NOS1: variants seen among roughly 807,000 people sequenced by gnomAD.
NOS1 encodes the protein nitric oxide synthase 1.
In NOS1, 51 loss-of-function variants were observed where a neutral mutation model predicts 164.5. The observed-to-expected ratio is 0.31, with a 90% CI of 0.25 to 0.39. The LOEUF (loss-of-function observed/expected upper bound fraction) is 0.39. Among genes scored for constraint, NOS1 ranks in the 10% least tolerant of loss-of-function variants. The probability of loss-of-function intolerance (pLI) is 1.00; values close to 1 mark genes in which losing one functional copy is unlikely to be tolerated. For synonymous variants in NOS1, 719 were observed against 745.8 expected, an observed-to-expected ratio of 0.96 and a Z score of 0.59; for missense variants, 1,362 against 1,885.6, an observed-to-expected ratio of 0.72 and a Z score of 5.14.
chr12:117,271,432 C>T (rs1019901286), intron 10 of NOS1, among the ~76,000 whole-genome samples: 2 of 152,200 alleles, frequency 1.3e-5, no homozygotes, highest in African/African-American at 4.8e-5. Context: ...CGCAAGCCAT[C>T]ATGCCTGGCT....
Position 117,211,218 on chromosome 12 carries a change from A to T in NOS1, c.*4091T>A. 1.0e-6 allele frequency: 1 copy of T among 983,150 alleles called. No homozygotes were observed. The highest frequency in any genetic ancestry group is 1.2e-6 in the Non-Finnish European group (1 of 827,870). 60.9% of individuals were successfully genotyped at this position (983,150 alleles called of 1,614,324 possible). A position where few individuals can be genotyped will look rare whatever the true frequency, so the allele number is the denominator to read the frequency against. On this transcript the variant is annotated 3_prime_UTR_variant, in exon 29 of 29. Transcript: ENST00000317775. Reference sequence around the variant, plus strand: ...ACTGATACACCCACCTCGGCCTCCCAAAGTGCTGGGATTACAGACATGAGC... The same window carrying T: ...ACTGATACACCCACCTCGGCCTCCCTAAGTGCTGGGATTACAGACATGAGC...
At chr12:117,264,025 G>C (rs1345055273) in intron 12 of NOS1, 51 bp from the exon 13 acceptor site, 1 of 1,484,022 alleles carries the variant, frequency 6.7e-7, no homozygotes, top group South Asian at 1.1e-5. Flanking sequence ...GAGGGCATCT[G>C]GTTCCTGTTG....
At chr12:117,230,203 T>C (rs2135938075) in intron 22 of NOS1, among the ~76,000 whole-genome samples, 1 of 152,362 alleles carries the variant, frequency 6.6e-6, no homozygotes, top group South Asian at 2.1e-4. Flanking sequence ...CATGAGCCAC[T>C]GTGCCCAAAT....
chr12:117,227,809 T>C (rs1258089277), intron 22 of NOS1, among the ~76,000 whole-genome samples, 168 bp from the exon 23 acceptor site: 1 of 152,124 alleles, frequency 6.6e-6, no homozygotes, highest in Non-Finnish European at 1.5e-5. Flanking sequence ...AGAGGATCAC[T>C]TGAGGCTAGG....
At position 117,209,046 on chromosome 12, in the gene NOS1, C is replaced by G. The variant is rs552996395; in HGVS notation, c.*6263G>C. On this transcript the variant is annotated 3_prime_UTR_variant, in exon 29 of 29. Coordinates refer to ENST00000317775, the MANE Select transcript of NOS1 (RefSeq NM_000620.5). ...CCTGGGAGGGGTTTTTGAAAGCATA[C>G]TGCCCTCCCCATGCCCCCTCCCCCG... 1.5e-5 allele frequency: 15 copies of G among 985,216 alleles called. No individual in the cohort carries two copies. Among genetic ancestry groups the G allele is most frequent in the Non-Finnish European group, 1.8e-5 (15 of 829,906 alleles). The allele number at this position is 985,216 out of a possible 1,614,324, so 61.0% of individuals were successfully genotyped here.
intron 4 of NOS1, 133 bp from the exon 5 acceptor site, chr12:117,288,352 C>T (rs1872843405): frequency 2.6e-6 from 2 of 754,888 alleles, no homozygotes; most frequent in East Asian, 5.0e-5. Context: ...TTCTCAAGTA[C>T]CAGCTTCAAA....
Position 117,330,746 on chromosome 12 carries a change from C to T in NOS1, c.324G>A (p.Glu108=), listed in dbSNP as rs1427348864. The part of the protein sequence containing the change: ...RGPEGFTTHL[E]TTFTGDGTPK... Reference sequence around the variant, plus strand: ...GGGTCCCATCACCTGTAAAGGTGGTCTCCAGGTGCGTGGTGAAACCTTCAG... The same window carrying T: ...GGGTCCCATCACCTGTAAAGGTGGTTTCCAGGTGCGTGGTGAAACCTTCAG... The change falls in exon 2 of 29, where the codon GAG becomes GAA. Residue 108 remains glutamate (E), a synonymous_variant. Transcript: ENST00000317775. This position sits in a 1 kb window ranked among gnomAD's most constrained non-coding sequence, Gnocchi z 4.6. 1.1e-5 allele frequency: 17 copies of T among 1,613,954 alleles called. No individual in the cohort carries two copies. The highest frequency in any genetic ancestry group is 8.0e-5 in the African/African-American group (6 of 74,920).
intron 14 of NOS1, among the ~76,000 whole-genome samples, chr12:117,260,118 C>CAAAAAA (rs60261967): frequency 8.6e-6 from 1 of 115,802 alleles, no homozygotes; most frequent in Non-Finnish European, 1.9e-5. Flanking sequence ...AACTCCTTCT[C>CAAAAAA]AAAAAAAAAA....
At chr12:117,285,781 G>A (rs934194132) in intron 6 of NOS1, among the ~76,000 whole-genome samples, 2 of 152,168 alleles carry the variant, frequency 1.3e-5, no homozygotes, top group African/African-American at 2.4e-5. Context: ...TGCCTTCAGG[G>A]AGTAGGCAGA....
rs1877157068 is a variant in NOS1 at position 117,361,516 on chromosome 12, T to G, written c.-425A>C. ...CCGCGCGCGCCCCTGGCTCACCCCGTCCGCTCGGCCGCTGCTCGCTGCCCG... is the reference window on the plus strand; with the variant it reads ...CCGCGCGCGCCCCTGGCTCACCCCGGCCGCTCGGCCGCTGCTCGCTGCCCG... On this transcript the variant is annotated 5_prime_UTR_variant, in exon 1 of 29. Transcript: ENST00000317775. 1 of 151,664 alleles carries G rather than the reference T, an allele frequency of 6.6e-6. No individual in the cohort carries two copies. Among genetic ancestry groups the G allele is most frequent in the African/African-American group, 2.4e-5 (1 of 41,278 alleles). 9.4% of individuals were successfully genotyped at this position (151,664 alleles called of 1,614,324 possible).
chr12:117,277,925 T>G (rs1873320425), intron 9 of NOS1, 34 bp downstream of exon 9: 2 of 1,589,510 alleles, frequency 1.3e-6, no homozygotes, highest in African/African-American at 1.3e-5. Flanking sequence ...GCAAACCCAC[T>G]CACCCTCTCC....
intron 21 of NOS1, among the ~76,000 whole-genome samples, chr12:117,233,515 G>A (rs1210921779): frequency 6.6e-6 from 1 of 151,710 alleles, no homozygotes; most frequent in East Asian, 2.0e-4. Flanking sequence ...ATTAAGAGAG[G>A]GTATGTCTCA....
chr12:117,232,800 T>A (rs1012406022), intron 21 of NOS1, among the ~76,000 whole-genome samples: 1 of 152,140 alleles, frequency 6.6e-6, no homozygotes, highest in African/African-American at 2.4e-5. Context: ...AGGGGTTCAA[T>A]CCCAAATAAA....
chr12:117,313,119 T>C (rs752221773), intron 2 of NOS1, among the ~76,000 whole-genome samples: 3 of 152,098 alleles, frequency 2.0e-5, no homozygotes, highest in Non-Finnish European at 2.9e-5. Flanking sequence ...AGCATCACCA[T>C]TGTCACCATC....
In NOS1 at chr12:117,209,412, C is replaced by A; in HGVS notation, c.*5897G>T. Reference sequence around the variant, plus strand: ...ATAGTGCTAAGGTTGACAGACCCTGCGCTACAGTCTCCTAGAACTTAGGAG... The same window carrying A: ...ATAGTGCTAAGGTTGACAGACCCTGAGCTACAGTCTCCTAGAACTTAGGAG... On this transcript the variant is annotated 3_prime_UTR_variant, in exon 29 of 29. Transcript: ENST00000317775. The A allele has an allele frequency of 1.0e-6, 1 of 985,426 alleles. No homozygotes were observed. The highest frequency in any genetic ancestry group is 1.2e-6 in the Non-Finnish European group (1 of 829,932). The allele number at this position is 985,426 out of a possible 1,614,324, so 61.0% of individuals were successfully genotyped here. A position where few individuals can be genotyped will look rare whatever the true frequency, so the allele number is the denominator to read the frequency against.
rs765487557 is a variant in NOS1 at position 117,330,877 on chromosome 12, G to A, written c.193C>T (p.Leu65Phe). ...SGLIQAGDIILAVNGRPLVDL... is the reference protein window; with the variant it reads ...SGLIQAGDIIFAVNGRPLVDL... ...ACCAAGGGCCGGCCGTTGACCGCAAGAATGATGTCTCCGGCCTGGATGAGG... is the reference window on the plus strand; with the variant it reads ...ACCAAGGGCCGGCCGTTGACCGCAAAAATGATGTCTCCGGCCTGGATGAGG... Residue 65 changes from leucine (L) to phenylalanine (F), a missense_variant, in exon 2 of 29, where the codon CTT becomes TTT. Leu to Phe is a conservative substitution (Grantham distance 22). This residue lies in a region of NOS1 where 362 missense variants were observed against 402.0 expected (regional missense o/e 0.90). Coordinates refer to ENST00000317775, the MANE Select transcript of NOS1 (RefSeq NM_000620.5). This position sits in a 1 kb window ranked among gnomAD's most constrained non-coding sequence, Gnocchi z 4.6. 1.9e-6 allele frequency: 3 copies of A among 1,614,154 alleles called. No individual in the cohort carries two copies. Among genetic ancestry groups the A allele is most frequent in the African/African-American group, 1.3e-5 (1 of 75,064 alleles).
rs1870372987 is a variant in NOS1 at position 117,243,593 on chromosome 12, T to TCCATC, written c.2824-159_2824-158insGATGG. Among the ~76,000 whole-genome samples the TCCATC allele has an allele frequency of 3.5e-5, 2 of 56,576 alleles. No homozygotes were observed. Among genetic ancestry groups the TCCATC allele is most frequent in the East Asian group, 6.6e-4 (1 of 1,508 alleles). 37.1% of individuals were successfully genotyped at this position (56,576 alleles called of 152,430 possible). A position where few individuals can be genotyped will look rare whatever the true frequency, so the allele number is the denominator to read the frequency against. Reference sequence around the variant, plus strand: ...TCCATCCATCCATCCATCCATCCAGTAACCCTTCCCTCCTTCCCTTCTTCC... The same window carrying TCCATC: ...TCCATCCATCCATCCATCCATCCAGTCCATCAACCCTTCCCTCCTTCCCTTCTTCC... On this transcript the variant is annotated intron_variant, in intron 18 of 28. Transcript: ENST00000317775. The surrounding 1 kb of genome is among the most constrained non-coding windows in gnomAD (Gnocchi z 4.3).
intron 3 of NOS1, among the ~76,000 whole-genome samples, chr12:117,293,662 A>G (rs1873208602): frequency 6.6e-6 from 1 of 151,152 alleles, no homozygotes; most frequent in Admixed American, 6.6e-5. Context: ...GTATATTATT[A>G]CTTGTATTAT....
intron 2 of NOS1, among the ~76,000 whole-genome samples, chr12:117,320,914 A>G (rs1874887189): frequency 6.6e-6 from 1 of 151,974 alleles, no homozygotes; most frequent in South Asian, 2.1e-4. Context: ...TGACCCCCCT[A>G]TCTAATGCTC....
Sources: allele counts gnomAD v4.1 joint callset (sites outside exome capture counted in the v4.1 genomes callset), GRCh38; gene constraint gnomAD v4.1.1; regional missense constraint gnomAD v4.1.1; non-coding constraint Gnocchi (gnomAD v3.1); transcripts MANE v1.5; gene names NCBI Gene and HGNC (gene_info 2026-07-23, HGNC 2026-07-21).